The following AUTS2 variants were observed in gnomAD, a reference collection of about 807,000 sequenced individuals.
The protein encoded by AUTS2 is activator of transcription and developmental regulator AUTS2, also known as autism susceptibility gene 2 protein.
AUTS2 carries 17 observed loss-of-function variants against 112.4 expected under a neutral mutation model. That is an observed-to-expected ratio of 0.15 (90% CI 0.10 to 0.23). The LOEUF (loss-of-function observed/expected upper bound fraction) is 0.23. Among genes scored for constraint, AUTS2 ranks in the 10% least tolerant of loss-of-function variants. The probability of loss-of-function intolerance (pLI) is 1.00; values close to 1 mark genes in which losing one functional copy is unlikely to be tolerated. For synonymous variants in AUTS2, 751 were observed against 702.7 expected (o/e 1.07, Z -1.09); for missense variants, 1,510 against 1,701.6 (o/e 0.89, Z 1.98).
intron 5 of AUTS2, among the ~76,000 whole-genome samples, chr7:70,457,050 C>T (rs753039217): frequency 2.6e-5 from 4 of 152,186 alleles, no homozygotes; most frequent in Admixed American, 2.0e-4. Flanking sequence ...TTCTCAAATG[C>T]GTCCTCCAAA....
chr7:70,053,544 G>GTTTGTTTTTTTTTTTTTTT (rs1801849869), intron 2 of AUTS2, among the ~76,000 whole-genome samples: 6 of 127,844 alleles, frequency 4.7e-5, no homozygotes, highest in African/African-American at 1.9e-4. Flanking sequence ...GTTTTGGGTG[G>GTTTGTTTTTTTTTTTTTTT]TTTTTTTTTT....
At chr7:69,986,446 T>C (rs1798517953) in intron 2 of AUTS2, among the ~76,000 whole-genome samples, 1 of 152,256 alleles carries the variant, frequency 6.6e-6, no homozygotes, top group South Asian at 2.1e-4. Context: ...TTACAGAAAT[T>C]CACATCCAGG....
In AUTS2 at chr7:70,790,535, C is replaced by G. The variant is rs1165877220; in HGVS notation, c.3319C>G (p.Pro1107Ala). ...RNDPLHRLST[P>A]RLYEADRSFR... The stretch of plus-strand genomic sequence containing the variant: ...CGACCCGCTCCACCGGCTCTCGACT[C>G]CCCGGCTGTACGAAGCCGACCGCTC... Residue 1107 changes from proline (P) to alanine (A), a missense_variant, in exon 19 of 19, where the codon CCC (proline) becomes GCC (alanine). Transcript: ENST00000342771. This position sits in a 1 kb window ranked among gnomAD's most constrained non-coding sequence, Gnocchi z 7.6. 2 of 1,607,844 alleles carry G rather than the reference C, an allele frequency of 1.2e-6. No individual in the cohort carries two copies. The highest frequency in any genetic ancestry group is 1.7e-6 in the Non-Finnish European group (2 of 1,177,674).
At chr7:69,815,574 GCA>G (rs1790723133) in intron 1 of AUTS2, among the ~76,000 whole-genome samples, 1 of 152,076 alleles carries the variant, frequency 6.6e-6, no homozygotes, top group African/African-American at 2.4e-5. Flanking sequence ...GAGTGCAGTG[GCA>G]TGATCTCAGC....
chr7:69,697,069 A>C (rs1797593020), intron 1 of AUTS2, among the ~76,000 whole-genome samples: 1 of 152,238 alleles, frequency 6.6e-6, no homozygotes, highest in Non-Finnish European at 1.5e-5. Flanking sequence ...TTTACTTTTC[A>C]TTAAAATCGT....
chr7:69,954,245 A>G (rs926975491), intron 2 of AUTS2, among the ~76,000 whole-genome samples: 4 of 152,126 alleles, frequency 2.6e-5, no homozygotes, highest in African/African-American at 9.7e-5. Context: ...CATAGTGACT[A>G]TAGTTAACAA....
intron 4 of AUTS2, among the ~76,000 whole-genome samples, chr7:70,369,083 G>A (rs546441996): frequency 5.9e-5 from 9 of 152,248 alleles, no homozygotes; most frequent in South Asian, 4.2e-4. Flanking sequence ...CCAAGAGAGC[G>A]ATTTCTACTG....
At chr7:69,617,249 A>T (rs1793429295) in intron 1 of AUTS2, among the ~76,000 whole-genome samples, 3 of 152,226 alleles carry the variant, frequency 2.0e-5, no homozygotes, top group African/African-American at 7.2e-5. Flanking sequence ...CATGTATGGT[A>T]AAATTGCTTT....
intron 6 of AUTS2, among the ~76,000 whole-genome samples, chr7:70,749,146 C>T (rs895112839): frequency 6.6e-6 from 1 of 152,144 alleles, no homozygotes; most frequent in Non-Finnish European, 1.5e-5. Flanking sequence ...TCCTGTCCAA[C>T]CTACATGTCG....
chr7:69,903,142 G>T (rs1279478166), intron 2 of AUTS2, among the ~76,000 whole-genome samples: 1 of 151,972 alleles, frequency 6.6e-6, no homozygotes, highest in African/African-American at 2.4e-5. Flanking sequence ...ATGGAGATTT[G>T]GGGGTGGGAA....
intron 1 of AUTS2, among the ~76,000 whole-genome samples, chr7:69,866,091 G>GC (rs1793219262): frequency 6.6e-6 from 1 of 152,026 alleles, no homozygotes; most frequent in African/African-American, 2.4e-5. Context: ...CACATCACCT[G>GC]CAAGTAGCTG....
intron 5 of AUTS2, among the ~76,000 whole-genome samples, chr7:70,532,956 A>G (rs1585264882): frequency 6.6e-6 from 1 of 152,178 alleles, no homozygotes; most frequent in East Asian, 1.9e-4. Context: ...CACTCCTGAA[A>G]GGATTATAAT....
rs906573594 is a variant in AUTS2, at chr7:70,703,173, A to G, written c.742+4553A>G. Among the ~76,000 whole-genome samples the G allele has an allele frequency of 3.9e-5, 6 of 152,282 alleles. No individual in the cohort carries two copies. In the East Asian group the frequency reaches 1.2e-3, roughly 29 times the overall value. Reference sequence around the variant, plus strand: ...ACAGAAAGGTAAGAGTTATATTACCATCAAGGTCACCATTTGACTTTTAAG... The same window carrying G: ...ACAGAAAGGTAAGAGTTATATTACCGTCAAGGTCACCATTTGACTTTTAAG... On this transcript the variant is annotated intron_variant, in intron 6 of 18. Transcript: ENST00000342771.
At chr7:69,906,520 A>G (rs895059437) in intron 2 of AUTS2, among the ~76,000 whole-genome samples, 1 of 152,140 alleles carries the variant, frequency 6.6e-6, no homozygotes, top group Non-Finnish European at 1.5e-5. Flanking sequence ...ACAATGTGCT[A>G]TTTACAGTTT....
intron 1 of AUTS2, among the ~76,000 whole-genome samples, chr7:69,765,161 A>G (rs1400696248): frequency 1.3e-5 from 2 of 152,214 alleles, no homozygotes; most frequent in Non-Finnish European, 2.9e-5. Flanking sequence ...GGCGGATTAC[A>G]TGTAGCAATC....
At chr7:70,542,256 T>C (rs1800580777) in intron 5 of AUTS2, among the ~76,000 whole-genome samples, 1 of 152,244 alleles carries the variant, frequency 6.6e-6, no homozygotes, top group Non-Finnish European at 1.5e-5. Flanking sequence ...CCTTCCTTCC[T>C]GAGAGTTCAC....
chr7:70,390,631 A>G (rs1338797596), intron 4 of AUTS2, among the ~76,000 whole-genome samples: 1 of 151,926 alleles, frequency 6.6e-6, no homozygotes, highest in Non-Finnish European at 1.5e-5. Context: ...AAACAAATGG[A>G]AGAAGTTTTA....
At chr7:69,672,472 C>T (rs965485110) in intron 1 of AUTS2, among the ~76,000 whole-genome samples, 1 of 152,174 alleles carries the variant, frequency 6.6e-6, no homozygotes, top group Non-Finnish European at 1.5e-5. Context: ...TGCTTTTATA[C>T]CGTCAATGCA....
intron 1 of AUTS2, among the ~76,000 whole-genome samples, chr7:69,758,445 C>G (rs180808509): frequency 6.6e-6 from 1 of 152,166 alleles, no homozygotes; most frequent in Admixed American, 6.5e-5. Flanking sequence ...TTAGGCTACT[C>G]TCCTGCTTCC....
Sources: allele counts gnomAD v4.1 joint callset (sites outside exome capture counted in the v4.1 genomes callset), GRCh38; gene constraint gnomAD v4.1.1; non-coding constraint Gnocchi (gnomAD v3.1); transcripts MANE v1.5; gene names NCBI Gene and HGNC (gene_info 2026-07-23, HGNC 2026-07-21).